The following XKR4 variants were observed in gnomAD, a reference collection of about 807,000 sequenced individuals.
XKR4 encodes XK-related protein 4.
XKR4 carries 12 observed loss-of-function variants against 53.9 expected under a neutral mutation model. The ratio of observed to expected loss-of-function variants is 0.22; its 90% CI spans 0.14 to 0.36. XKR4 has a LOEUF of 0.36. Among genes scored for constraint, XKR4 ranks in the 10% least tolerant of loss-of-function variants. The probability of loss-of-function intolerance (pLI) is 1.00; values close to 1 mark genes in which losing one functional copy is unlikely to be tolerated. For synonymous variants in XKR4, 354 were observed against 362.4 expected (o/e 0.98, Z 0.26); for missense variants, 799 against 859.5 (o/e 0.93, Z 0.88).
intron 1 of XKR4, among the ~76,000 whole-genome samples, chr8:55,209,235 TCTC>T (rs1031166417): frequency 5.8e-4 from 69 of 118,422 alleles, no homozygotes; most frequent in Middle Eastern, 4.1e-3. Context: ...GTGTTATTCT[TCTC>T]TCACCTGCTC....
At chr8:55,453,302 A>T (rs1028468672) in intron 2 of XKR4, 13 of 484,022 alleles carry the variant, frequency 2.7e-5, no homozygotes, top group Non-Finnish European at 4.3e-5. Flanking sequence ...GCAGTTCATC[A>T]TACTGATGAC....
chr8:55,457,881 G>A (rs561823527), intron 2 of XKR4, among the ~76,000 whole-genome samples: 7 of 152,090 alleles, frequency 4.6e-5, no homozygotes, highest in Non-Finnish European at 1.0e-4. Context: ...GAAAGAAATG[G>A]AATTATATTA....
chr8:55,364,731 C>T (rs1163016674), intron 2 of XKR4, among the ~76,000 whole-genome samples: 1 of 152,094 alleles, frequency 6.6e-6, no homozygotes, highest in Non-Finnish European at 1.5e-5. Context: ...CTCCCGAATT[C>T]AATCAATTCT....
chr8:55,301,710 T>C (rs1226582250), intron 1 of XKR4, among the ~76,000 whole-genome samples: 1 of 152,198 alleles, frequency 6.6e-6, no homozygotes, highest in Non-Finnish European at 1.5e-5. Context: ...AGATGGTATC[T>C]CATTGTGGTT....
At chr8:55,351,514 A>G (rs1803721942) in intron 1 of XKR4, among the ~76,000 whole-genome samples, 1 of 152,208 alleles carries the variant, frequency 6.6e-6, no homozygotes, top group African/African-American at 2.4e-5. Context: ...GCCTTCTCCC[A>G]GAAAAAAACT....
At chr8:55,135,673 A>G (rs1218007302) in intron 1 of XKR4, 1 of 456,138 alleles carries the variant, frequency 2.2e-6, no homozygotes. Flanking sequence ...CAGGGAGAGT[A>G]AAGTCAAAGC....
intron 1 of XKR4, among the ~76,000 whole-genome samples, chr8:55,185,528 G>T (rs2129360335): frequency 6.6e-6 from 1 of 152,262 alleles, no homozygotes; most frequent in Middle Eastern, 3.4e-3. Flanking sequence ...AGGCCTTCTT[G>T]CTAGCATACC....
intron 2 of XKR4, among the ~76,000 whole-genome samples, chr8:55,366,692 C>T (rs1023183086): frequency 4.6e-5 from 7 of 152,214 alleles, no homozygotes; most frequent in African/African-American, 1.7e-4. Context: ...TTTATTTTCT[C>T]ACCCATATGT....
Position 55,454,020 on chromosome 8 carries a change from C to G in XKR4, c.1007-69261C>G, listed in dbSNP as rs539342594. On this transcript the variant is annotated intron_variant, in intron 2 of 2. Transcript: ENST00000327381. ...ACAGGCTCCGGGTGAATGCACACGA[C>G]GTGCAGGCACCAGAGATAGCCCTGC... The G allele has an allele frequency of 3.4e-4, 304 of 887,616 alleles. 1 individual carries two copies. The highest frequency in any genetic ancestry group is 4.1e-4 in the Non-Finnish European group (225 of 545,970). 55.0% of individuals were successfully genotyped at this position (887,616 alleles called of 1,614,324 possible).
rs1203256532 is a variant in XKR4 at position 55,262,889 on chromosome 8, A to G, written c.807-94789A>G. Among the ~76,000 whole-genome samples, 4 of 152,324 alleles carry G rather than the reference A, an allele frequency of 2.6e-5. No individual in the cohort carries two copies. In the East Asian group the frequency reaches 7.7e-4, roughly 29 times the overall value. On this transcript the variant is annotated intron_variant, in intron 1 of 2. Transcript: ENST00000327381. Reference sequence around the variant, plus strand: ...AGATGGATGCACCAAAGGATTGTGGATCACTGTGGTCCACGGGGCAAGAGC... The same window carrying G: ...AGATGGATGCACCAAAGGATTGTGGGTCACTGTGGTCCACGGGGCAAGAGC...
intron 1 of XKR4, among the ~76,000 whole-genome samples, chr8:55,257,121 G>C (rs114810704): frequency 0.015 from 2,282 of 152,192 alleles, 64 homozygotes; most frequent in African/African-American, 0.051. Flanking sequence ...TAGGAATTTT[G>C]GGGGAACACC....
intron 1 of XKR4, among the ~76,000 whole-genome samples, chr8:55,169,982 A>T (rs1817135114): frequency 6.6e-6 from 1 of 152,214 alleles, no homozygotes; most frequent in African/African-American, 2.4e-5. Flanking sequence ...ATAATGTTGC[A>T]TATATCTTGA....
intron 2 of XKR4, among the ~76,000 whole-genome samples, chr8:55,370,021 G>C (rs1227175163): frequency 6.6e-6 from 1 of 152,078 alleles, no homozygotes; most frequent in African/African-American, 2.4e-5. Context: ...GATTGTACCA[G>C]TGTACTCCAG....
intron 1 of XKR4, among the ~76,000 whole-genome samples, chr8:55,223,726 G>A (rs1220631132): frequency 5.3e-5 from 8 of 152,172 alleles, no homozygotes. Context: ...AAATAAAAAT[G>A]TTTAGAGTGA....
intron 1 of XKR4, among the ~76,000 whole-genome samples, chr8:55,331,446 A>T (rs891025558): frequency 1.3e-5 from 2 of 152,182 alleles, no homozygotes; most frequent in Non-Finnish European, 2.9e-5. Context: ...GGTGGAGTTC[A>T]ATAGATGTAT....
At chr8:55,132,081 T>A (rs918914118) in intron 1 of XKR4, among the ~76,000 whole-genome samples, 2 of 152,212 alleles carry the variant, frequency 1.3e-5, no homozygotes, top group Admixed American at 1.3e-4. Flanking sequence ...CAGTCAGCAG[T>A]CATTATAGAT....
chr8:55,426,605 G>A (rs1318676236), intron 2 of XKR4, among the ~76,000 whole-genome samples: 1 of 152,156 alleles, frequency 6.6e-6, no homozygotes, highest in African/African-American at 2.4e-5. Context: ...AAGCAGAGTA[G>A]TTCAAAACTG....
intron 1 of XKR4, among the ~76,000 whole-genome samples, chr8:55,132,436 G>C (rs1044380691): frequency 6.6e-6 from 1 of 151,946 alleles, no homozygotes; most frequent in Non-Finnish European, 1.5e-5. Context: ...GTTTAAATTA[G>C]CCACTGTAAG....
At chr8:55,428,263 A>G (rs887418440) in intron 2 of XKR4, among the ~76,000 whole-genome samples, 2 of 152,208 alleles carry the variant, frequency 1.3e-5, no homozygotes, top group African/African-American at 2.4e-5. Context: ...AATGATCAAC[A>G]TAGCAAAGAG....
Sources: gnomAD v4.1 joint callset for allele counts (sites outside exome capture counted in the v4.1 genomes callset) on GRCh38, gnomAD v4.1.1 for gene constraint, MANE v1.5 for transcripts, NCBI Gene and HGNC (gene_info 2026-07-23, HGNC 2026-07-21) for gene names.